The following PPFIA2 variants were observed in gnomAD, a reference collection of about 807,000 sequenced individuals.
PPFIA2 encodes the protein liprin-alpha-2.
A neutral mutation model predicts 175.5 loss-of-function variants in PPFIA2; 46 were observed. The ratio of observed to expected loss-of-function variants is 0.26; its 90% CI spans 0.21 to 0.34. PPFIA2 has a LOEUF of 0.34. Ranked by LOEUF, PPFIA2 falls within the 10% of genes least tolerant of loss-of-function variation. The pLI is 1.00. For synonymous variants in PPFIA2, 568 were observed against 511.4 expected, an observed-to-expected ratio of 1.11 and a Z score of -1.49; for missense variants, 1,179 against 1,506.1, an observed-to-expected ratio of 0.78 and a Z score of 3.60.
rs191997707 is a variant in PPFIA2 at position 81,620,425 on chromosome 12, A to C, written c.303+56366T>G. ...GAAGGGATGTTATAATGGATGTTTT[A>C]ATGCATCTTTTTTTTTGTATTTTGG... is the stretch of plus-strand genomic sequence containing the variant. On this transcript the variant is annotated intron_variant, in intron 4 of 32. Transcript: ENST00000549396. Among the ~76,000 whole-genome samples the C allele has an allele frequency of 7.2e-5, 11 of 152,124 alleles. No homozygotes were observed. In the East Asian group the frequency reaches 1.9e-3, roughly 27 times the overall value.
At chr12:81,621,113 ATATCT>A (rs770393618) in intron 4 of PPFIA2, among the ~76,000 whole-genome samples, 16 of 152,214 alleles carry the variant, frequency 1.1e-4, no homozygotes, top group Non-Finnish European at 1.6e-4. Flanking sequence ...AGTTGAAAAA[ATATCT>A]TATAGGTAAT....
chr12:81,339,183 G>A lies in PPFIA2; in HGVS notation c.2545C>T (p.Leu849Phe), dbSNP rs1253766913. Residue 849 changes from leucine (L) to phenylalanine (F), a missense_variant, in exon 21 of 33, where the codon CTC becomes TTC. This residue lies in a region of PPFIA2 where 223 missense variants were observed against 241.6 expected (regional missense o/e 0.92). Coordinates refer to ENST00000549396, the MANE Select transcript of PPFIA2 (RefSeq NM_003625.5). ...GKKEKARLGQ[L>F]RGFMETEAAA... ...GTCTTAACACATGCATACTTACGGAGCTGCCCAAGTCGAGCTTTTTCTTTT... is the reference window on the plus strand; with the variant it reads ...GTCTTAACACATGCATACTTACGGAACTGCCCAAGTCGAGCTTTTTCTTTT... 3 of 1,595,068 alleles carry A rather than the reference G, an allele frequency of 1.9e-6. No homozygotes were observed. Among genetic ancestry groups the A allele is most frequent in the Non-Finnish European group, 2.6e-6 (3 of 1,171,112 alleles).
intron 7 of PPFIA2, among the ~76,000 whole-genome samples, chr12:81,433,785 T>C (rs1004101586): frequency 2.6e-5 from 4 of 152,096 alleles, no homozygotes; most frequent in Admixed American, 2.6e-4. Flanking sequence ...GTGAAATAAA[T>C]ATAAAGGAGA....
chr12:81,628,028 GATT>G (rs1379430274), intron 4 of PPFIA2, among the ~76,000 whole-genome samples: 1 of 151,958 alleles, frequency 6.6e-6, no homozygotes, highest in Admixed American at 6.6e-5. Context: ...AGTTTGCTAT[GATT>G]ATTTATTAAT....
chr12:81,731,380 T>C lies in PPFIA2; in HGVS notation c.249+22593A>G, dbSNP rs145306424. Among the ~76,000 whole-genome samples the C allele has an allele frequency of 6.1e-3, 931 of 151,754 alleles. 10 individuals are homozygous for C. Among genetic ancestry groups the C allele is most frequent in the African/African-American group, 0.021 (873 of 41,468 alleles). On this transcript the variant is annotated intron_variant, in intron 3 of 32. Transcript: ENST00000549396. ...TTTAGCACTTTTTTTGTAATTTCTCTTGGCTATGAATGTGGGTCTCATTTA... is the reference window on the plus strand; with the variant it reads ...TTTAGCACTTTTTTTGTAATTTCTCCTGGCTATGAATGTGGGTCTCATTTA...
At chr12:81,416,133 T>C (rs2045210711) in intron 7 of PPFIA2, among the ~76,000 whole-genome samples, 1 of 151,552 alleles carries the variant, frequency 6.6e-6, no homozygotes, top group South Asian at 2.1e-4. Context: ...AAGAGTGGCA[T>C]AATATGGAAG....
intron 4 of PPFIA2, chr12:81,598,356 C>T: frequency 1.8e-6 from 2 of 1,115,734 alleles, no homozygotes; most frequent in Non-Finnish European, 1.1e-6. Context: ...TGCTGTGGAC[C>T]TGCCCATCTG....
intron 8 of PPFIA2, among the ~76,000 whole-genome samples, chr12:81,390,351 G>A (rs2142209662): frequency 6.6e-6 from 1 of 152,072 alleles, no homozygotes; most frequent in African/African-American, 2.4e-5. Flanking sequence ...ACATGTTGAG[G>A]AAATGTTTTC....
intron 9 of PPFIA2, among the ~76,000 whole-genome samples, chr12:81,381,354 C>T (rs2037657296): frequency 6.6e-6 from 1 of 152,058 alleles, no homozygotes; most frequent in South Asian, 2.1e-4. Flanking sequence ...TTCCATCTGA[C>T]TGGGTGTTTT....
At chr12:81,339,456 TC>T in intron 20 of PPFIA2, 122 bp from the exon 21 acceptor site, 1 of 801,114 alleles carries the variant, frequency 1.2e-6, no homozygotes, top group Non-Finnish European at 1.7e-6. Flanking sequence ...TCCCCTATTT[TC>T]CCATGTTTCC....
At chr12:81,565,032 T>A (rs1330789273) in intron 4 of PPFIA2, among the ~76,000 whole-genome samples, 2 of 152,168 alleles carry the variant, frequency 1.3e-5, no homozygotes, top group African/African-American at 4.8e-5. Flanking sequence ...GGAATGGGGA[T>A]GTGTGGGAGG....
chr12:81,553,522 T>C (rs1004603832), intron 4 of PPFIA2, among the ~76,000 whole-genome samples: 1 of 152,088 alleles, frequency 6.6e-6, no homozygotes, highest in African/African-American at 2.4e-5. Context: ...GACACAAGCA[T>C]AGCACTTCAA....
chr12:81,443,978 C>T (rs2050748947), intron 6 of PPFIA2, among the ~76,000 whole-genome samples: 1 of 150,046 alleles, frequency 6.7e-6, no homozygotes, highest in Non-Finnish European at 1.5e-5. Context: ...CCTCAGCCTC[C>T]CCAGTAGCTG....
At chr12:81,671,635 T>C (rs182405184) in intron 4 of PPFIA2, among the ~76,000 whole-genome samples, 20 of 152,122 alleles carry the variant, frequency 1.3e-4, no homozygotes, top group Non-Finnish European at 2.4e-4. Context: ...TGGTCTTTAG[T>C]ATAAAGTACA....
intron 21 of PPFIA2, among the ~76,000 whole-genome samples, chr12:81,327,421 C>T (rs2055038759): frequency 2.0e-5 from 3 of 152,064 alleles, no homozygotes; most frequent in Admixed American, 6.6e-5. Flanking sequence ...CCATTATGTA[C>T]AGTGAGTGCA....
chr12:81,615,059 A>T (rs939325495), intron 4 of PPFIA2, among the ~76,000 whole-genome samples: 1 of 152,190 alleles, frequency 6.6e-6, no homozygotes, highest in Admixed American at 6.5e-5. Context: ...TTGATTTCAT[A>T]CATAAAACAA....
chr12:81,563,640 G>A (rs537167669), intron 4 of PPFIA2, among the ~76,000 whole-genome samples: 1 of 152,172 alleles, frequency 6.6e-6, no homozygotes, highest in Non-Finnish European at 1.5e-5. Context: ...ACAGACTACA[G>A]CTCACCAGAA....
chr12:81,558,499 G>T (rs1026326974), intron 4 of PPFIA2, among the ~76,000 whole-genome samples: 2 of 152,154 alleles, frequency 1.3e-5, no homozygotes, highest in South Asian at 4.1e-4. Context: ...TACCTGGAGA[G>T]AACATTCCCG....
At position 81,524,468 on chromosome 12, in the gene PPFIA2, C is replaced by A. The variant is rs138333072; in HGVS notation, c.304-66602G>T. Reference sequence around the variant, plus strand: ...TGTTTTGGACTTGTTCAGGACCTATCATTTATTTCTTCTTTCCTATTTCTT... The same window carrying A: ...TGTTTTGGACTTGTTCAGGACCTATAATTTATTTCTTCTTTCCTATTTCTT... On this transcript the variant is annotated intron_variant, in intron 4 of 32. Coordinates refer to ENST00000549396, the MANE Select transcript of PPFIA2 (RefSeq NM_003625.5). Among the ~76,000 whole-genome samples, 516 of 152,302 alleles carry A rather than the reference C, an allele frequency of 3.4e-3. 3 individuals are homozygous for A. Among genetic ancestry groups the A allele is most frequent in the African/African-American group, 0.012 (480 of 41,560 alleles).
Sources: gnomAD v4.1 joint callset for allele counts (sites outside exome capture counted in the v4.1 genomes callset) on GRCh38, gnomAD v4.1.1 for gene constraint, gnomAD v4.1.1 regional missense constraint, MANE v1.5 for transcripts, NCBI Gene and HGNC (gene_info 2026-07-23, HGNC 2026-07-21) for gene names.